SLC6A15: variants seen among roughly 807,000 people sequenced by gnomAD.
The protein encoded by SLC6A15 is sodium-dependent neutral amino acid transporter B(0)AT2.
SLC6A15 carries 33 observed loss-of-function variants against 68.5 expected under a neutral mutation model. That is an observed-to-expected ratio of 0.48 (90% CI 0.37 to 0.64). The LOEUF is 0.64. Ranked by LOEUF, SLC6A15 falls within the 30% of genes least tolerant of loss-of-function variation. The probability of loss-of-function intolerance (pLI) is 0.00; values close to 1 mark genes in which losing one functional copy is unlikely to be tolerated. For missense variants in SLC6A15, 747 were observed against 874.3 expected (o/e 0.85, Z 1.84); for synonymous variants, 347 against 301.0 (o/e 1.15, Z -1.58).
At chr12:84,862,148 G>T in intron 11 of SLC6A15, 142 bp from the exon 12 acceptor site, 1 of 781,988 alleles carries the variant, frequency 1.3e-6, no homozygotes, top group Non-Finnish European at 2.0e-6. Flanking sequence ...CAGTAGAAGT[G>T]ACACTCAGCA....
At chr12:84,862,217 C>A (rs992997196) in intron 11 of SLC6A15, among the ~76,000 whole-genome samples, 3 of 152,036 alleles carry the variant, frequency 2.0e-5, no homozygotes, top group Non-Finnish European at 4.4e-5. Context: ...AGAATATTGC[C>A]CTGAATATGA....
intron 1 of SLC6A15, among the ~76,000 whole-genome samples, chr12:84,894,313 A>G (rs1872543845): frequency 6.6e-6 from 1 of 152,198 alleles, no homozygotes; most frequent in South Asian, 2.1e-4. Context: ...ATGTGTTGGC[A>G]TAGTAGCAAG....
chr12:84,872,652 A>G lies in SLC6A15; in HGVS notation c.1252T>C (p.Phe418Leu), dbSNP rs1871337144. 1 of 1,610,880 alleles carries G rather than the reference A, an allele frequency of 6.2e-7. No homozygotes were observed. The highest frequency in any genetic ancestry group is 2.2e-5 in the East Asian group (1 of 44,742). ...CAGGAATTGAGATGAAGAGCAGGAA[A>G]CTCTTCTTCTTTCACTTTTTGAATG... Reference protein sequence around the residue: ...DIIQKVKEEEFPALHLNSCKI... With the variant: ...DIIQKVKEEELPALHLNSCKI... The change falls in exon 8 of 12, where the codon TTT (phenylalanine) becomes CTT (leucine). Residue 418 changes from phenylalanine to leucine, a missense_variant. Phe to Leu is a conservative substitution (Grantham distance 22). Coordinates refer to ENST00000266682, the MANE Select transcript of SLC6A15 (RefSeq NM_182767.6).
intron 1 of SLC6A15, among the ~76,000 whole-genome samples, chr12:84,905,371 A>C (rs1283433033): frequency 6.6e-6 from 1 of 152,206 alleles, no homozygotes; most frequent in Non-Finnish European, 1.5e-5. Flanking sequence ...ATGATCAAAA[A>C]TGTCAAAAAT....
chr12:84,905,912 T>G (rs1385831392), intron 1 of SLC6A15, among the ~76,000 whole-genome samples: 1 of 152,202 alleles, frequency 6.6e-6, no homozygotes, highest in Non-Finnish European at 1.5e-5. Context: ...TGTGCTCCAG[T>G]CCCCAGGCTC....
chr12:84,884,097 T>C, intron 4 of SLC6A15, 57 bp from the exon 5 acceptor site: 1 of 1,432,532 alleles, frequency 7.0e-7, no homozygotes, highest in Non-Finnish European at 9.7e-7. Flanking sequence ...AATGCGACAA[T>C]TTCTTTTCCA....
chr12:84,881,569 T>C lies in SLC6A15; in HGVS notation c.756+2290A>G, dbSNP rs183932532. The C allele has an allele frequency of 5.0e-4, 496 of 985,406 alleles. 2 individuals are homozygous for C. The African/African-American group carries it at 8.3e-3, about 17-fold the overall frequency. The allele number at this position is 985,406 out of a possible 1,614,324, so 61.0% of individuals were successfully genotyped here. ...CAATGTCCCTATCATACCCCTCTTT[T>C]AATTCATGCAGTTTCCACTTAGCAT... On this transcript the variant is annotated intron_variant, in intron 5 of 11. Coordinates refer to ENST00000266682, the MANE Select transcript of SLC6A15 (RefSeq NM_182767.6).
At chr12:84,904,053 C>T (rs560482314) in intron 1 of SLC6A15, among the ~76,000 whole-genome samples, 2 of 151,828 alleles carry the variant, frequency 1.3e-5, no homozygotes, top group Admixed American at 1.3e-4. Context: ...TTGCTTTGAC[C>T]AGAAGGTAGC....
Position 84,892,141 on chromosome 12 carries a change from T to TAAAAAAAAA in SLC6A15, c.-30_-22dup. 7.4e-7 allele frequency: 1 copy of TAAAAAAAAA among 1,342,740 alleles called. No individual in the cohort carries two copies. Among genetic ancestry groups the TAAAAAAAAA allele is most frequent in the African/African-American group, 1.5e-5 (1 of 64,954 alleles). 83.2% of individuals were successfully genotyped at this position (1,342,740 alleles called of 1,614,324 possible). A position where few individuals can be genotyped will look rare whatever the true frequency, so the allele number is the denominator to read the frequency against. ...GGCATTGGAGAGTATGCGAAGTATT[T>TAAAAAAAAA]AAAAAAAAAAAAAAAAACTCCCTTA... On this transcript the variant is annotated 5_prime_UTR_variant, in exon 2 of 12. Transcript: ENST00000266682.
intron 11 of SLC6A15, among the ~76,000 whole-genome samples, chr12:84,862,843 G>C (rs192874011): frequency 2.6e-5 from 4 of 152,242 alleles, no homozygotes; most frequent in African/African-American, 9.6e-5. Context: ...ACAGGCTGGA[G>C]TGCAGTGGTA....
In SLC6A15 at chr12:84,872,789, G is replaced by A. The variant is rs755659787; in HGVS notation, c.1115C>T (p.Ser372Leu). Residue 372 changes from serine (S) to leucine (L), a missense_variant, in exon 8 of 12, where the codon TCA becomes TTA. Physicochemically the swap from Ser to Leu is moderately radical, Grantham distance 145. Coordinates refer to ENST00000266682, the MANE Select transcript of SLC6A15 (RefSeq NM_182767.6). The stretch of plus-strand genomic sequence containing the variant: ...TTTCAAAAATTTCATGATCGTCTCT[G>A]AATTTCTGAAAAATAAAACAACATA... ...VINEKCITQN[S>L]ETIMKFLKMG... 6 of 1,598,228 alleles carry A rather than the reference G, an allele frequency of 3.8e-6. No homozygotes were observed. In the Admixed American group the frequency reaches 7.1e-5, roughly 19 times the overall value.
chr12:84,863,245 G>A (rs900955228), intron 11 of SLC6A15, among the ~76,000 whole-genome samples, 194 bp downstream of exon 11: 5 of 151,866 alleles, frequency 3.3e-5, no homozygotes, highest in African/African-American at 9.7e-5. Flanking sequence ...CACATGTGTT[G>A]AAAACATCCA....
At chr12:84,865,358 C>T (rs1478972138) in intron 10 of SLC6A15, among the ~76,000 whole-genome samples, 1 of 152,136 alleles carries the variant, frequency 6.6e-6, no homozygotes, top group Non-Finnish European at 1.5e-5. Flanking sequence ...AGAGATTTCC[C>T]ATATAGCTCC....
intron 1 of SLC6A15, among the ~76,000 whole-genome samples, chr12:84,900,903 GATATGTATATATAT>G: frequency 7.9e-6 from 1 of 126,796 alleles, no homozygotes; most frequent in Non-Finnish European, 1.6e-5. Context: ...TATGTGTATA[GATATGTATATATAT>G]ACATACATAT....
rs1448782069 is a variant in SLC6A15, at chr12:84,894,793, G to A, written c.-188-2485C>T. 2.0e-5 allele frequency among the ~76,000 whole-genome samples: 3 copies of A among 151,938 alleles called. No individual in the cohort carries two copies. The East Asian group carries it at 5.8e-4, about 29-fold the overall frequency. On this transcript the variant is annotated intron_variant, in intron 1 of 11. Transcript: ENST00000266682. ...CTCAAATATTCTGATCAAACTACCT[G>A]AAGGTCATATTTTCTATTTTAAAAA...
chr12:84,897,011 T>C (rs1367790704), intron 1 of SLC6A15, among the ~76,000 whole-genome samples: 6 of 151,980 alleles, frequency 3.9e-5, no homozygotes. Flanking sequence ...GCCAATATGG[T>C]GAAATTCCCT....
intron 9 of SLC6A15, among the ~76,000 whole-genome samples, chr12:84,868,010 C>A (rs914652042): frequency 9.2e-5 from 14 of 152,168 alleles, no homozygotes; most frequent in Non-Finnish European, 1.5e-4. Context: ...GACTGCATTC[C>A]ATTTCTCAAC....
intron 2 of SLC6A15, 132 bp downstream of exon 2, chr12:84,891,700 G>A (rs1872402749): frequency 1.1e-6 from 1 of 933,848 alleles, no homozygotes; most frequent in Admixed American, 2.8e-5. Flanking sequence ...TTCCCACAAA[G>A]AAGTGGGTTT....
chr12:84,905,815 A>T, intron 1 of SLC6A15, among the ~76,000 whole-genome samples: 1 of 152,252 alleles, frequency 6.6e-6, no homozygotes, highest in East Asian at 1.9e-4. Flanking sequence ...TATAAGTCAC[A>T]TAAATCAAGA....
Sources: gnomAD v4.1 joint callset for allele counts (sites outside exome capture counted in the v4.1 genomes callset) on GRCh38, gnomAD v4.1.1 for gene constraint, MANE v1.5 for transcripts, NCBI Gene and HGNC (gene_info 2026-07-23, HGNC 2026-07-21) for gene names.